The following SP140 variants were observed in gnomAD, a reference collection of about 807,000 sequenced individuals.
The protein encoded by SP140 is SP140 nuclear body protein.
Under a neutral mutation model 125.0 loss-of-function variants are expected in SP140, and 81 were observed. The observed-to-expected ratio is 0.65, with a 90% confidence interval of 0.54 to 0.78. SP140 has a LOEUF of 0.78. SP140 is among the 30% of genes least tolerant of loss of function. The pLI, the probability that SP140 is intolerant of heterozygous loss-of-function variation, is 0.00. For synonymous variants in SP140, 312 were observed against 354.0 expected, an observed-to-expected ratio of 0.88 and a Z score of 1.33; for missense variants, 858 against 1,037.0, an observed-to-expected ratio of 0.83 and a Z score of 2.37.
chr2:230,186,183 T>G, the SP140 span: 8 of 1,607,110 alleles, frequency 5.0e-6, no homozygotes, highest in African/African-American at 1.3e-5. Flanking sequence ...GTGAGCTCCC[T>G]TCTCATGTTC....
chr2:230,313,424 A>G (rs2059452002), downstream of SP140, among the ~76,000 whole-genome samples: 2 of 152,190 alleles, frequency 1.3e-5, no homozygotes, highest in African/African-American at 4.8e-5. Context: ...AAGTGGAACC[A>G]GCTTCACCTG....
At chr2:230,262,453 C>T (rs1183955981) in intron 12 of SP140, among the ~76,000 whole-genome samples, 1 of 152,108 alleles carries the variant, frequency 6.6e-6, no homozygotes, top group Non-Finnish European at 1.5e-5. Flanking sequence ...TAGTTCTGCT[C>T]TGATCTTTGT....
intron 16 of SP140, among the ~76,000 whole-genome samples, 175 bp from the exon 17 acceptor site, chr2:230,285,577 A>G (rs1211165887): frequency 6.6e-6 from 1 of 152,236 alleles, no homozygotes; most frequent in Non-Finnish European, 1.5e-5. Context: ...TCAATGTGCA[A>G]TTAAATCCTG....
At chr2:230,291,755 C>A (rs2057139516) in intron 19 of SP140, among the ~76,000 whole-genome samples, 1 of 152,082 alleles carries the variant, frequency 6.6e-6, no homozygotes, top group Admixed American at 6.5e-5. Flanking sequence ...TATTTCAGTT[C>A]TTTTGGGTAT....
intron 15 of SP140, among the ~76,000 whole-genome samples, chr2:230,274,615 A>G (rs2054434061): frequency 6.6e-6 from 1 of 152,092 alleles, no homozygotes; most frequent in African/African-American, 2.4e-5. Flanking sequence ...GAGACCACAA[A>G]TCTGTGATTT....
At chr2:230,269,800 A>G in intron 13 of SP140, 37 bp from the exon 14 acceptor site, 1 of 1,523,688 alleles carries the variant, frequency 6.6e-7, no homozygotes, top group South Asian at 1.1e-5. Flanking sequence ...TCACTGGGTC[A>G]AACTGAAAGT....
chr2:230,225,386 A>G (rs2046199323), upstream of SP140: 1 of 254,188 alleles, frequency 3.9e-6, no homozygotes. Flanking sequence ...GGCCTAAGCC[A>G]TCCAGCCCAG....
intron 3 of SP140, chr2:230,219,784 A>C: frequency 3.3e-6 from 1 of 307,316 alleles, no homozygotes; most frequent in Non-Finnish European, 4.8e-6. Context: ...TAAATAGTTG[A>C]ACTCCACCCT....
upstream of SP140, among the ~76,000 whole-genome samples, chr2:230,222,225 G>A (rs1045973823): frequency 2.1e-4 from 27 of 129,218 alleles, no homozygotes; most frequent in Admixed American, 3.3e-4. Flanking sequence ...GTGAGATCCC[G>A]CCTCAAAAAA....
At chr2:230,253,013 GC>G (rs2050605092) in intron 10 of SP140, among the ~76,000 whole-genome samples, 1 of 152,000 alleles carries the variant, frequency 6.6e-6, no homozygotes. Flanking sequence ...TAGAATAAGA[GC>G]TAAAGAAATA....
At chr2:230,290,351 G>A (rs2056971774) in intron 18 of SP140, 109 bp from the exon 19 acceptor site, 1 of 980,962 alleles carries the variant, frequency 1.0e-6, no homozygotes, top group Non-Finnish European at 1.5e-6. Context: ...AGAGGGTTTT[G>A]GAATAGAATT....
chr2:230,293,210 A>G (rs532031337), intron 20 of SP140, among the ~76,000 whole-genome samples: 7 of 152,358 alleles, frequency 4.6e-5, no homozygotes, highest in African/African-American at 1.7e-4. Context: ...ATTAGGTATA[A>G]TTTAACAATT....
chr2:230,247,111 C>T (rs1163473817), intron 7 of SP140, among the ~76,000 whole-genome samples: 1 of 152,152 alleles, frequency 6.6e-6, no homozygotes, highest in African/African-American at 2.4e-5. Context: ...CCCCCTGAGG[C>T]TTTCATGTCT....
upstream of SP140, among the ~76,000 whole-genome samples, chr2:230,199,226 TG>T (rs1330431723): frequency 2.8e-4 from 41 of 144,824 alleles, no homozygotes; most frequent in African/African-American, 1.0e-3. Context: ...TTTTTTTTTT[TG>T]AGACAGAGTC....
intron 12 of SP140, among the ~76,000 whole-genome samples, chr2:230,263,457 A>G (rs2052593213): frequency 6.6e-6 from 1 of 152,110 alleles, no homozygotes; most frequent in African/African-American, 2.4e-5. Flanking sequence ...TTTACATTCA[A>G]TGTTAGTATT....
chr2:230,257,811 G>A (rs540271504), intron 12 of SP140, among the ~76,000 whole-genome samples: 11 of 152,130 alleles, frequency 7.2e-5, no homozygotes, highest in Admixed American at 6.6e-4. Context: ...AATATCAAAC[G>A]AAAGGCTGAA....
intron 3 of SP140, chr2:230,239,102 T>C: frequency 1.6e-6 from 2 of 1,275,836 alleles, no homozygotes; most frequent in East Asian, 2.7e-5. Context: ...GTATGAAGAA[T>C]GGGATGTGTT....
chr2:230,257,418 G>A (rs1028926307), intron 12 of SP140, among the ~76,000 whole-genome samples: 10 of 152,038 alleles, frequency 6.6e-5, no homozygotes, highest in African/African-American at 2.2e-4. Context: ...CCAGAAAGCC[G>A]AAAAGAACCA....
At chr2:230,234,709 A>T (rs2149085559) in intron 1 of SP140, among the ~76,000 whole-genome samples, 1 of 152,330 alleles carries the variant, frequency 6.6e-6, no homozygotes, top group Non-Finnish European at 1.5e-5. Context: ...TTATCTTATA[A>T]AAATTTTCAT....
Sources: gnomAD v4.1 joint callset for allele counts (sites outside exome capture counted in the v4.1 genomes callset) on GRCh38, gnomAD v4.1.1 for gene constraint, MANE v1.5 for transcripts, NCBI Gene and HGNC (gene_info 2026-07-23, HGNC 2026-07-21) for gene names.